Variants in TNK2 observed in about 807,000 individuals in gnomAD.
TNK2 encodes the protein activated CDC42 kinase 1.
A neutral mutation model predicts 101.8 loss-of-function variants in TNK2; 83 were observed. The ratio of observed to expected loss-of-function variants is 0.82; its 90% CI spans 0.68 to 0.98. TNK2 has a LOEUF of 0.98. Ranked by LOEUF, TNK2 falls within the 50% of genes least tolerant of loss-of-function variation. The pLI is 0.00. For missense variants in TNK2, 1,665 were observed against 1,483.2 expected, an observed-to-expected ratio of 1.12 and a Z score of -2.01; for synonymous variants, 804 against 633.0, an observed-to-expected ratio of 1.27 and a Z score of -4.06.
rs1313887095 is a variant in TNK2 at position 195,888,055 on chromosome 3, G to A, written c.163+371C>T. On this transcript the variant is annotated intron_variant, in intron 2 of 15. Coordinates refer to ENST00000672887, the MANE Select transcript of TNK2 (RefSeq NM_001382273.1). The surrounding 1 kb of genome is among the most constrained non-coding windows in gnomAD (Gnocchi z 5.3). Reference sequence around the variant, plus strand: ...GAGCACGAATCAGCAAACCATCTGAGAGTTAGCGTTCTCCCTACAGATCTC... The same window carrying A: ...GAGCACGAATCAGCAAACCATCTGAAAGTTAGCGTTCTCCCTACAGATCTC... Among the ~76,000 whole-genome samples, 2 of 152,152 alleles carry A rather than the reference G, an allele frequency of 1.3e-5. No homozygotes were observed. The highest frequency in any genetic ancestry group is 4.8e-5 in the African/African-American group (2 of 41,432).
chr3:195,885,196 C>A lies in TNK2; in HGVS notation c.235-163G>T, dbSNP rs905274355. ...GCAGCCTGGCTGGAGGCCCACACTC[C>A]GTCCAGGGCACACCCCCAAACATGA... On this transcript the variant is annotated intron_variant, in intron 3 of 15. Transcript: ENST00000672887. The surrounding 1 kb of genome is among the most constrained non-coding windows in gnomAD (Gnocchi z 4.7). 20 of 992,644 alleles carry A rather than the reference C, an allele frequency of 2.0e-5. No homozygotes were observed. Among genetic ancestry groups the A allele is most frequent in the Non-Finnish European group, 4.3e-6 (3 of 690,130 alleles). The allele number at this position is 992,644 out of a possible 1,614,324, so 61.5% of individuals were successfully genotyped here. A position where few individuals can be genotyped will look rare whatever the true frequency, so the allele number is the denominator to read the frequency against.
At chr3:195,874,571 C>G (rs1747854315) in intron 9 of TNK2, among the ~76,000 whole-genome samples, 1 of 128,898 alleles carries the variant, frequency 7.8e-6, no homozygotes, top group Non-Finnish European at 1.6e-5. Flanking sequence ...CTCCGAGGCA[C>G]AAGAAGCTCC....
Position 195,898,115 on chromosome 3 carries a change from G to A in TNK2, c.-18-9509C>T, listed in dbSNP as rs367749162. Among the ~76,000 whole-genome samples the A allele has an allele frequency of 5.9e-5, 9 of 151,882 alleles. No homozygotes were observed. In the East Asian group the frequency reaches 9.7e-4, roughly 16 times the overall value. The stretch of plus-strand genomic sequence containing the variant: ...CTCTGCTTCTGCGCTCCTGTATCCC[G>A]CTGAAAACATCACAAGCCAACACTA... On this transcript the variant is annotated intron_variant, in intron 1 of 15. Transcript: ENST00000672887.
Position 195,882,607 on chromosome 3 carries a change from C to T in TNK2, c.610-279G>A. The T allele has an allele frequency of 7.5e-7, 1 of 1,328,932 alleles. No individual in the cohort carries two copies. Among genetic ancestry groups the T allele is most frequent in the Admixed American group, 2.1e-5 (1 of 47,638 alleles). The allele number at this position is 1,328,932 out of a possible 1,614,324, so 82.3% of individuals were successfully genotyped here. A position where few individuals can be genotyped will look rare whatever the true frequency, so the allele number is the denominator to read the frequency against. ...ACGTGGTGGCTCACGCCTGTAATCCCAGCACTTTGGGAGGCCGAGGTGGGT... is the reference window on the plus strand; with the variant it reads ...ACGTGGTGGCTCACGCCTGTAATCCTAGCACTTTGGGAGGCCGAGGTGGGT... On this transcript the variant is annotated intron_variant, in intron 5 of 15. Transcript: ENST00000672887. The surrounding 1 kb of genome is among the most constrained non-coding windows in gnomAD (Gnocchi z 4.2).
Position 195,867,931 on chromosome 3 carries a change from G to A in TNK2, c.2367C>T (p.Ser789=), listed in dbSNP as rs759749858. The change falls in exon 13 of 16, where the codon TCC becomes TCT. Residue 789 remains serine (S), a synonymous_variant. Transcript: ENST00000672887. Reference sequence around the variant, plus strand: ...GCTCCCGCGGAGGCACCCGGGGAGGGGAAGCAGGTCCAGGCCACTGGCTGG... The same window carrying A: ...GCTCCCGCGGAGGCACCCGGGGAGGAGAAGCAGGTCCAGGCCACTGGCTGG... The part of the protein sequence containing the change: ...EETSQWPGPA[S]PPRVPPREPL... 2 of 1,536,424 alleles carry A rather than the reference G, an allele frequency of 1.3e-6. No homozygotes were observed. The highest frequency in any genetic ancestry group is 1.4e-5 in the African/African-American group (1 of 72,046).
intron 4 of TNK2, chr3:195,884,520 G>A: frequency 2.9e-6 from 1 of 349,512 alleles, no homozygotes. Flanking sequence ...GTGCATGCCT[G>A]TAATCCCAGC....
intron 1 of TNK2, chr3:195,896,174 C>G: frequency 4.4e-6 from 2 of 454,500 alleles, no homozygotes; most frequent in Non-Finnish European, 8.8e-6. Context: ...CACAGGAAGT[C>G]CCAGGGCAGA....
chr3:195,867,376 T>G lies in TNK2; in HGVS notation c.2922A>C (p.Ala974=), dbSNP rs1042242919. ...PGDGPEAGRP[A]DKIQMLQAMV... Reference sequence around the variant, plus strand: ...GGGTGCTCACCATCTGGATCTTGTCTGCTGGCCGGCCCGCCTCTGGCCCAT... The same window carrying G: ...GGGTGCTCACCATCTGGATCTTGTCGGCTGGCCGGCCCGCCTCTGGCCCAT... The change falls in exon 13 of 16, where the codon GCA becomes GCC. Residue 974 remains alanine (A), a synonymous_variant. Coordinates refer to ENST00000672887, the MANE Select transcript of TNK2 (RefSeq NM_001382273.1). The G allele has an allele frequency of 6.2e-7, 1 of 1,605,750 alleles. No individual in the cohort carries two copies. The highest frequency in any genetic ancestry group is 1.3e-5 in the African/African-American group (1 of 74,970).
chr3:195,887,147 C>A, intron 2 of TNK2, 100 bp from the exon 3 acceptor site: 2 of 1,169,824 alleles, frequency 1.7e-6, no homozygotes, highest in East Asian at 2.4e-5. Context: ...CACTAGACAC[C>A]GCCCACCCGA....
At position 195,882,187 on chromosome 3, in the gene TNK2, G is replaced by C; in HGVS notation, c.751C>G (p.Arg251Gly). The stretch of plus-strand genomic sequence containing the variant: ...AGCAGATTGCGGGCAGCCAGGTCAC[G>C]GTGAATAAAGCGCTTGGACTCCAGG... ...GYLESKRFIH[R>G]DLAARNLLLA... Residue 251 changes from arginine (R) to glycine (G), a missense_variant, in exon 6 of 16, where the codon CGT (arginine) becomes GGT (glycine). Arg to Gly is a moderately radical substitution (Grantham distance 125, BLOSUM62 -2). Coordinates refer to ENST00000672887, the MANE Select transcript of TNK2 (RefSeq NM_001382273.1). This position sits in a 1 kb window ranked among gnomAD's most constrained non-coding sequence, Gnocchi z 4.2. 6.2e-7 allele frequency: 1 copy of C among 1,613,906 alleles called. No homozygotes were observed. The highest frequency in any genetic ancestry group is 2.2e-5 in the East Asian group (1 of 44,880).
chr3:195,878,320 G>C lies in TNK2; in HGVS notation c.1189C>G (p.Gln397Glu), dbSNP rs1457888475. 1 of 1,614,076 alleles carries C rather than the reference G, an allele frequency of 6.2e-7. No homozygotes were observed. The highest frequency in any genetic ancestry group is 1.7e-5 in the Admixed American group (1 of 60,020). Reference sequence around the variant, plus strand: ...AGCTTGTCCGGTTCCTCAAAGTCCTGAAGGGCCCGCATGTCTGTGGGCTGG... The same window carrying C: ...AGCTTGTCCGGTTCCTCAAAGTCCTCAAGGGCCCGCATGTCTGTGGGCTGG... ...EAQPTDMRAL[Q>E]DFEEPDKLHI... Residue 397 changes from glutamine (Q) to glutamate (E), a missense_variant, in exon 9 of 16, where the codon CAG (glutamine) becomes GAG (glutamate). Around this residue, in one of 3 missense-constraint regions of TNK2, gnomAD observed 39 missense variants for 65.8 expected, o/e 0.59. Transcript: ENST00000672887. This position sits in a 1 kb window ranked among gnomAD's most constrained non-coding sequence, Gnocchi z 4.7.
chr3:195,864,574 A>G (rs139571237), intron 15 of TNK2, among the ~76,000 whole-genome samples: 26 of 147,942 alleles, frequency 1.8e-4, no homozygotes, highest in Non-Finnish European at 3.4e-4. Context: ...CCTAGATGCA[A>G]ATCAGTAAGA....
intron 1 of TNK2, among the ~76,000 whole-genome samples, chr3:195,890,885 C>G (rs1280753566): frequency 6.6e-6 from 1 of 152,228 alleles, no homozygotes; most frequent in Non-Finnish European, 1.5e-5. Context: ...ACTCCCCTCT[C>G]GGTCAGCACT....
chr3:195,868,986 C>T, intron 12 of TNK2: 1 of 503,822 alleles, frequency 2.0e-6, no homozygotes, highest in East Asian at 3.4e-5. Context: ...TGGCTCCTGC[C>T]TGACGCTGCC....
intron 10 of TNK2, chr3:195,870,407 G>T: frequency 7.0e-7 from 1 of 1,437,566 alleles, no homozygotes; most frequent in Non-Finnish European, 9.2e-7. Flanking sequence ...AAGGACACCT[G>T]ACCCCAGGAT....
chr3:195,887,886 A>T (rs1438882545), intron 2 of TNK2, among the ~76,000 whole-genome samples: 1 of 133,898 alleles, frequency 7.5e-6, no homozygotes, highest in East Asian at 2.4e-4. Flanking sequence ...GCGCGTGCGT[A>T]CGCACGTGCA....
Position 195,888,350 on chromosome 3 carries a change from C to T in TNK2, c.163+76G>A, listed in dbSNP as rs1757019099. On this transcript the variant is annotated intron_variant, in intron 2 of 15. Transcript: ENST00000672887. This position sits in a 1 kb window ranked among gnomAD's most constrained non-coding sequence, Gnocchi z 5.3. ...TGGGACAGAGTTCTCAGCTGCCACC[C>T]GTGCACCGAGTGGTCCTGAGGACAG... The T allele has an allele frequency of 3.3e-6, 5 of 1,509,992 alleles. No homozygotes were observed. The highest frequency in any genetic ancestry group is 2.5e-5 in the South Asian group (2 of 81,220). The allele number at this position is 1,509,992 out of a possible 1,614,324, so 93.5% of individuals were successfully genotyped here.
chr3:195,885,360 C>G lies in TNK2; in HGVS notation c.235-327G>C. 3 of 1,373,446 alleles carry G rather than the reference C, an allele frequency of 2.2e-6. No individual in the cohort carries two copies. Among genetic ancestry groups the G allele is most frequent in the Non-Finnish European group, 2.9e-6 (3 of 1,048,362 alleles). The allele number at this position is 1,373,446 out of a possible 1,614,324, so 85.1% of individuals were successfully genotyped here. ...GCCAAGGTCGGAGTCTCCTCCCAGT[C>G]CTGCCCCACCCTCCCTTCCTGCACC... On this transcript the variant is annotated intron_variant, in intron 3 of 15. Coordinates refer to ENST00000672887, the MANE Select transcript of TNK2 (RefSeq NM_001382273.1). The surrounding 1 kb of genome is among the most constrained non-coding windows in gnomAD (Gnocchi z 4.7).
Position 195,867,484 on chromosome 3 carries a change from G to A in TNK2, c.2814C>T (p.Phe938=). 1.3e-6 allele frequency: 2 copies of A among 1,575,936 alleles called. No individual in the cohort carries two copies. The highest frequency in any genetic ancestry group is 1.7e-6 in the Non-Finnish European group (2 of 1,168,970). Residue 938 remains phenylalanine (F), a synonymous_variant, in exon 13 of 16, where the codon TTC becomes TTT. Coordinates refer to ENST00000672887, the MANE Select transcript of TNK2 (RefSeq NM_001382273.1). The part of the protein sequence containing the change: ...PQAALDPKAN[F]STNNSNPGAR... ...CCCCTGGGTTGCTGTTGTTGGTGGA[G>A]AAGTTGGCCTTGGGGTCCAAGGCAG...
Sources: gnomAD v4.1 joint callset for allele counts (sites outside exome capture counted in the v4.1 genomes callset) on GRCh38, gnomAD v4.1.1 for gene constraint, gnomAD v4.1.1 regional missense constraint, Gnocchi (gnomAD v3.1) non-coding constraint, MANE v1.5 for transcripts, NCBI Gene and HGNC (gene_info 2026-07-23, HGNC 2026-07-21) for gene names.